ZDHHC11B: variants seen among roughly 807,000 people sequenced by gnomAD.
The protein encoded by ZDHHC11B is probable palmitoyltransferase ZDHHC11B.
Under a neutral mutation model 42.3 loss-of-function variants are expected in ZDHHC11B, and 17 were observed. The observed-to-expected ratio is 0.40, with a 90% CI of 0.27 to 0.60. The LOEUF (loss-of-function observed/expected upper bound fraction) is 0.60. ZDHHC11B is among the 20% of genes least tolerant of loss of function. The probability of loss-of-function intolerance (pLI) is 0.41; values close to 1 mark genes in which losing one functional copy is unlikely to be tolerated. For missense variants in ZDHHC11B, 262 were observed against 463.2 expected (o/e 0.57, Z 3.99); for synonymous variants, 123 against 193.5 (o/e 0.64, Z 3.02).
rs866672071 is a variant in ZDHHC11B, at chr5:732,413, G to A, written c.1023+1339C>T. 1.2e-3 allele frequency: 354 copies of A among 305,128 alleles called. 4 individuals are homozygous for A. Among genetic ancestry groups the A allele is most frequent in the African/African-American group, 6.5e-3 (293 of 45,410 alleles). 18.9% of individuals were successfully genotyped at this position (305,128 alleles called of 1,614,324 possible). A position where few individuals can be genotyped will look rare whatever the true frequency, so the allele number is the denominator to read the frequency against. ...GCAGAAGGTGTCAACGTGGACAATC[G>A]CAGGCAGAGAAACTCCCATGAGCCC... On this transcript the variant is annotated intron_variant, in intron 11 of 13. Transcript: ENST00000508859.
At chr5:756,813 G>T (rs909832563) in intron 4 of ZDHHC11B, among the ~76,000 whole-genome samples, 2 of 151,616 alleles carry the variant, frequency 1.3e-5, no homozygotes, top group South Asian at 2.1e-4. Context: ...GACCCCAGAC[G>T]GCTCACTGAC....
chr5:780,901 T>G (rs1391743431), intron 1 of ZDHHC11B, among the ~76,000 whole-genome samples: 1 of 150,868 alleles, frequency 6.6e-6, no homozygotes, highest in Non-Finnish European at 1.5e-5. Context: ...CAGGAGAGGG[T>G]GGACGCCCCA....
At chr5:762,190 C>T (rs536401226) in intron 4 of ZDHHC11B, among the ~76,000 whole-genome samples, 1 of 72,000 alleles carries the variant, frequency 1.4e-5, no homozygotes, top group East Asian at 5.5e-4. Context: ...CTCACAGTCC[C>T]AGCCGGCCAC....
At chr5:763,385 A>AAG (rs372614567) in intron 4 of ZDHHC11B, among the ~76,000 whole-genome samples, 4,534 of 144,882 alleles carry the variant, frequency 0.031, 9 homozygotes, top group East Asian at 0.084. Context: ...AAAAAAAAAA[A>AAG]AAGAAGAAGA....
chr5:725,311 G>T (rs1019777), intron 12 of ZDHHC11B, among the ~76,000 whole-genome samples: 34 of 118,156 alleles, frequency 2.9e-4, no homozygotes, highest in African/African-American at 1.1e-3. Flanking sequence ...TCGGAGAACC[G>T]GGAAGGGGCT....
chr5:763,485 A>C (rs1293954797), intron 4 of ZDHHC11B, among the ~76,000 whole-genome samples: 10 of 151,920 alleles, frequency 6.6e-5, no homozygotes, highest in Non-Finnish European at 1.5e-5. Flanking sequence ...CATTATCAAA[A>C]GCCTTCCCAC....
At chr5:763,294 A>G (rs1447883470) in intron 4 of ZDHHC11B, among the ~76,000 whole-genome samples, 2 of 151,060 alleles carry the variant, frequency 1.3e-5, no homozygotes, top group African/African-American at 4.9e-5. Flanking sequence ...GTTTGAACCC[A>G]GGAGGCAGAG....
intron 4 of ZDHHC11B, among the ~76,000 whole-genome samples, chr5:757,120 C>A (rs1170713957): frequency 3.3e-5 from 5 of 151,852 alleles, no homozygotes; most frequent in African/African-American, 7.3e-5. Context: ...CCATGGCAAC[C>A]AAATAGAAGG....
At chr5:775,959 A>G (rs868221581) in intron 1 of ZDHHC11B, among the ~76,000 whole-genome samples, 50,465 of 117,018 alleles carry the variant, frequency 0.43, 8,666 homozygotes, top group Admixed American at 0.46. Context: ...AGTGCATGCC[A>G]GGAACCCCTG....
chr5:742,199 G>T (rs147564775), intron 9 of ZDHHC11B, among the ~76,000 whole-genome samples: 386 of 136,782 alleles, frequency 2.8e-3, no homozygotes, highest in African/African-American at 0.01. Flanking sequence ...GTTCAGGCTG[G>T]TCTTGAACTC....
chr5:720,761 G>A (rs654453), intron 12 of ZDHHC11B, among the ~76,000 whole-genome samples: 73,427 of 148,434 alleles, frequency 0.49, 14,379 homozygotes, highest in African/African-American at 0.55. Context: ...CAATGACAAT[G>A]GCAATATAAA....
chr5:714,352 G>C (rs1741590210), intron 13 of ZDHHC11B, among the ~76,000 whole-genome samples: 1 of 144,074 alleles, frequency 6.9e-6, no homozygotes, highest in Non-Finnish European at 1.5e-5. Context: ...CTAGAGATAG[G>C]AGTGACTGAC....
chr5:725,145 G>C (rs1232296804), intron 12 of ZDHHC11B, among the ~76,000 whole-genome samples: 1 of 151,344 alleles, frequency 6.6e-6, no homozygotes, highest in Non-Finnish European at 1.5e-5. Context: ...TTCAGAACAC[G>C]CATGTGAGTG....
Position 766,782 on chromosome 5 carries a change from C to A in ZDHHC11B, c.138G>T (p.Trp46Cys), listed in dbSNP as rs1735460430. 2 of 1,612,488 alleles carry A rather than the reference C, an allele frequency of 1.2e-6. No individual in the cohort carries two copies. Among genetic ancestry groups the A allele is most frequent in the African/African-American group, 2.7e-5 (2 of 74,766 alleles). Residue 46 changes from tryptophan to cysteine, a missense_variant, in exon 4 of 14, where the codon TGG (tryptophan) becomes TGT (cysteine). Trp to Cys is a radical substitution (Grantham distance 215, BLOSUM62 -2). This residue lies in a region of ZDHHC11B where 97 missense variants were observed against 98.1 expected (regional missense o/e 0.99). Coordinates refer to ENST00000508859, the MANE Select transcript of ZDHHC11B (RefSeq NM_001351303.2). ...CCAAGGAAAGGCCAACGAAGACAGC[C>A]CAAGTCACCACCCGGAAGTAGTGCA... ...LPLHYFRVVT[W>C]AVFVGLSLAT...
chr5:731,232 T>C (rs1483861820), intron 11 of ZDHHC11B, among the ~76,000 whole-genome samples: 11 of 150,722 alleles, frequency 7.3e-5, no homozygotes, highest in African/African-American at 2.5e-4. Flanking sequence ...CAACACTTGA[T>C]ATTGATCACC....
chr5:733,477 T>C (rs1458194238), intron 11 of ZDHHC11B, among the ~76,000 whole-genome samples: 2 of 151,658 alleles, frequency 1.3e-5, no homozygotes, highest in African/African-American at 2.4e-5. Flanking sequence ...CCTGGGCATC[T>C]GCCCATCACC....
At chr5:715,272 G>C (rs1233350337) in intron 13 of ZDHHC11B, among the ~76,000 whole-genome samples, 3 of 150,122 alleles carry the variant, frequency 2.0e-5, no homozygotes, top group Non-Finnish European at 4.4e-5. Flanking sequence ...GAAGCTGTCA[G>C]TTTTTGCAGA....
intron 4 of ZDHHC11B, among the ~76,000 whole-genome samples, chr5:765,712 A>G (rs1355521320): frequency 2.0e-5 from 3 of 151,930 alleles, no homozygotes; most frequent in African/African-American, 7.3e-5. Flanking sequence ...TAACACTCGC[A>G]GTGAAGGTCT....
chr5:775,544 T>A (rs1290813788), intron 1 of ZDHHC11B, among the ~76,000 whole-genome samples: 5 of 151,842 alleles, frequency 3.3e-5, no homozygotes, highest in Non-Finnish European at 7.4e-5. Flanking sequence ...AACCCAAACC[T>A]TCTGTTAACT....
Sources: allele counts gnomAD v4.1 joint callset (sites outside exome capture counted in the v4.1 genomes callset), GRCh38; gene constraint gnomAD v4.1.1; regional missense constraint gnomAD v4.1.1; transcripts MANE v1.5; gene names NCBI Gene and HGNC (gene_info 2026-07-23, HGNC 2026-07-21).